FGL1: variants seen among roughly 807,000 people sequenced by gnomAD.
The protein encoded by FGL1 is fibrinogen like 1, also known as fibrinogen-like protein 1.
Under a neutral mutation model 43.7 loss-of-function variants are expected in FGL1, and 59 were observed. The ratio of observed to expected loss-of-function variants is 1.35; its 90% confidence interval spans 1.10 to 1.68. The LOEUF (loss-of-function observed/expected upper bound fraction) is 1.68, where lower values mean the gene tolerates loss of function less well. FGL1 is among the 40% of genes most tolerant of loss of function. The pLI, the probability that FGL1 is intolerant of heterozygous loss-of-function variation, is 0.00. For missense variants in FGL1, 596 were observed against 373.0 expected, an observed-to-expected ratio of 1.60 and a Z score of -4.92; for synonymous variants, 192 against 126.5, an observed-to-expected ratio of 1.52 and a Z score of -3.48.
chr8:17,870,831 G>A (rs533847728), intron 5 of FGL1, among the ~76,000 whole-genome samples: 1 of 151,736 alleles, frequency 6.6e-6, no homozygotes, highest in African/African-American at 2.4e-5. Flanking sequence ...GCTTGAATCC[G>A]GGAGGCAGAG....
At chr8:17,881,941 A>C (rs549217889) in intron 3 of FGL1, 58 bp downstream of exon 3, 2 of 1,377,040 alleles carry the variant, frequency 1.5e-6, no homozygotes, top group South Asian at 1.3e-5. Flanking sequence ...TAGCACCATC[A>C]CTGTACATGG....
At chr8:17,877,478 C>T (rs957820479) in intron 3 of FGL1, among the ~76,000 whole-genome samples, 6 of 152,000 alleles carry the variant, frequency 3.9e-5, no homozygotes, top group Non-Finnish European at 8.8e-5. Flanking sequence ...AGCTGAGAAC[C>T]AAAGGCACAA....
intron 5 of FGL1, among the ~76,000 whole-genome samples, chr8:17,873,380 C>G (rs911771809): frequency 2.6e-5 from 4 of 152,064 alleles, no homozygotes; most frequent in Non-Finnish European, 5.9e-5. Flanking sequence ...TCCTTCCATC[C>G]CAGAGCAGCA....
intron 2 of FGL1, among the ~76,000 whole-genome samples, chr8:17,883,070 T>C (rs2053567396): frequency 1.2e-5 from 1 of 85,524 alleles, no homozygotes; most frequent in Admixed American, 1.9e-4. Flanking sequence ...ATGTAATATA[T>C]TAAATATATA....
chr8:17,881,708 C>T (rs1479321733), intron 3 of FGL1, among the ~76,000 whole-genome samples: 1 of 151,202 alleles, frequency 6.6e-6, no homozygotes, highest in African/African-American at 2.4e-5. Context: ...GTGGTGGGCA[C>T]CTGTAGTCCC....
At chr8:17,875,236 A>C (rs2053427313) in intron 3 of FGL1, among the ~76,000 whole-genome samples, 1 of 152,206 alleles carries the variant, frequency 6.6e-6, no homozygotes, top group Non-Finnish European at 1.5e-5. Flanking sequence ...GGTTTGTTAC[A>C]TATGTATATG....
intron 1 of FGL1, among the ~76,000 whole-genome samples, chr8:17,887,433 T>C (rs1403802898): frequency 6.6e-6 from 1 of 152,240 alleles, no homozygotes; most frequent in African/African-American, 2.4e-5. Flanking sequence ...TTACATTTCA[T>C]TCTCTGTCCA....
chr8:17,887,853 C>A (rs568284976), intron 1 of FGL1, among the ~76,000 whole-genome samples: 1 of 151,194 alleles, frequency 6.6e-6, no homozygotes, highest in African/African-American at 2.4e-5. Flanking sequence ...AAAAAAGTAT[C>A]TCTAGACCCA....
chr8:17,891,746 C>A (rs1203975706), intron 1 of FGL1: 1 of 983,302 alleles, frequency 1.0e-6, no homozygotes, highest in African/African-American at 1.7e-5. Flanking sequence ...TATGGGAGAT[C>A]AAATTCTTTT....
chr8:17,884,244 T>C (rs1032403351), intron 2 of FGL1, among the ~76,000 whole-genome samples: 1 of 151,904 alleles, frequency 6.6e-6, no homozygotes, highest in Non-Finnish European at 1.5e-5. Flanking sequence ...CAGGCTGGAG[T>C]GCAGTGGTGC....
At chr8:17,871,968 C>T (rs1191152634) in intron 5 of FGL1, among the ~76,000 whole-genome samples, 1 of 152,050 alleles carries the variant, frequency 6.6e-6, no homozygotes, top group African/African-American at 2.4e-5. Flanking sequence ...CTGGGGTTTT[C>T]ATAGTTTCAA....
intron 1 of FGL1, among the ~76,000 whole-genome samples, chr8:17,886,486 G>A (rs928871960): frequency 3.9e-4 from 60 of 152,048 alleles, no homozygotes; most frequent in Admixed American, 3.9e-3. Flanking sequence ...GGCCTGGTGC[G>A]GTGGCTCACG....
At chr8:17,871,491 CA>C (rs11445398) in intron 5 of FGL1, among the ~76,000 whole-genome samples, 4 of 131,968 alleles carry the variant, frequency 3.0e-5, no homozygotes, top group African/African-American at 5.6e-5. Flanking sequence ...AAATCTGTCT[CA>C]AAAAAAAAAA....
At position 17,864,532 on chromosome 8, in the gene FGL1, T is replaced by G. The variant is rs1020257701; in HGVS notation, c.*60A>C. The G allele has an allele frequency of 6.5e-7, 1 of 1,528,792 alleles. No individual in the cohort carries two copies. The highest frequency in any genetic ancestry group is 2.0e-5 in the Admixed American group (1 of 49,854). 94.7% of individuals were successfully genotyped at this position (1,528,792 alleles called of 1,614,324 possible). ...TGCGCATGGATATGTTCAGAATGAG[T>G]ATTTTTCAAATCACTTTAAACAAAG... On this transcript the variant is annotated 3_prime_UTR_variant, in exon 8 of 8. Transcript: ENST00000427924.
chr8:17,871,173 C>G (rs190033948), intron 5 of FGL1, among the ~76,000 whole-genome samples: 1 of 152,126 alleles, frequency 6.6e-6, no homozygotes, highest in African/African-American at 2.4e-5. Flanking sequence ...AGCAGCAAGG[C>G]AGGCTAAGTC....
intron 3 of FGL1, among the ~76,000 whole-genome samples, chr8:17,875,797 G>C (rs1028671343): frequency 4.6e-5 from 7 of 152,090 alleles, no homozygotes; most frequent in African/African-American, 1.7e-4. Flanking sequence ...AGTACAGACT[G>C]GATTTTGCCA....
rs35451790 is a variant in FGL1, at chr8:17,894,079, A to T, written c.-18+1368T>A. Among the ~76,000 whole-genome samples, 871 of 147,152 alleles carry T rather than the reference A, an allele frequency of 5.9e-3. 139 individuals are homozygous for T. Among genetic ancestry groups the T allele is most frequent in the African/African-American group, 0.022 (819 of 37,610 alleles). ...AAAAAAATTTAATTAATTACGCTGC[A>T]TTAAATTTAAAGATGAAGACATTAA... is the stretch of plus-strand genomic sequence containing the variant. On this transcript the variant is annotated intron_variant, in intron 1 of 7. Coordinates refer to ENST00000427924, the MANE Select transcript of FGL1 (RefSeq NM_004467.4).
At chr8:17,869,566 A>C (rs149386852) in intron 5 of FGL1, among the ~76,000 whole-genome samples, 23 of 152,310 alleles carry the variant, frequency 1.5e-4, no homozygotes, top group African/African-American at 5.1e-4. Flanking sequence ...TATGAATCCT[A>C]ATTGTTATCC....
intron 7 of FGL1, among the ~76,000 whole-genome samples, chr8:17,866,365 T>A (rs529194593): frequency 6.6e-6 from 1 of 151,950 alleles, no homozygotes; most frequent in East Asian, 1.9e-4. Flanking sequence ...AAACATTTTA[T>A]AGGTGGGTAA....
Sources: allele counts gnomAD v4.1 joint callset (sites outside exome capture counted in the v4.1 genomes callset), GRCh38; gene constraint gnomAD v4.1.1; transcripts MANE v1.5; gene names NCBI Gene and HGNC (gene_info 2026-07-23, HGNC 2026-07-21).